The following SGMS1 variants were observed in gnomAD, a reference collection of about 807,000 sequenced individuals.
SGMS1 encodes the protein phosphatidylcholine:ceramide cholinephosphotransferase 1.
Under a neutral mutation model 46.2 loss-of-function variants are expected in SGMS1, and 13 were observed. The observed-to-expected ratio is 0.28, with a 90% CI of 0.18 to 0.45. SGMS1 has a LOEUF of 0.45. Among genes scored for constraint, SGMS1 ranks in the 20% least tolerant of loss-of-function variants. The probability of loss-of-function intolerance (pLI) is 1.00; values close to 1 mark genes in which losing one functional copy is unlikely to be tolerated. For missense variants in SGMS1, 324 were observed against 519.9 expected (o/e 0.62, Z 3.66); for synonymous variants, 203 against 187.8 (o/e 1.08, Z -0.66).
At chr10:50,556,517 G>A (rs887931562) in intron 2 of SGMS1, among the ~76,000 whole-genome samples, 1 of 152,190 alleles carries the variant, frequency 6.6e-6, no homozygotes, top group Admixed American at 6.5e-5. Context: ...GCGGAAACAG[G>A]TGTACCACAG....
chr10:50,426,210 T>A (rs1849324328), intron 6 of SGMS1, among the ~76,000 whole-genome samples: 1 of 152,214 alleles, frequency 6.6e-6, no homozygotes, highest in African/African-American at 2.4e-5. Flanking sequence ...TTTCTTTACA[T>A]TTTTCTGTGT....
intron 2 of SGMS1, among the ~76,000 whole-genome samples, chr10:50,530,820 G>T (rs1837947009): frequency 1.3e-5 from 2 of 152,118 alleles, no homozygotes; most frequent in African/African-American, 4.8e-5. Flanking sequence ...TGCAAATGCA[G>T]TGTGGTTTCT....
chr10:50,360,990 A>C (rs544019214), intron 6 of SGMS1, among the ~76,000 whole-genome samples: 2 of 152,296 alleles, frequency 1.3e-5, no homozygotes, highest in South Asian at 4.1e-4. Context: ...CCATATTCTA[A>C]AGCATACCCA....
intron 1 of SGMS1, among the ~76,000 whole-genome samples, chr10:50,612,474 G>A (rs1008201054): frequency 2.5e-4 from 38 of 152,276 alleles, no homozygotes; most frequent in Non-Finnish European, 4.3e-4. Flanking sequence ...AGCAGCTGGC[G>A]AAAAGGAGGA....
At chr10:50,445,528 G>A (rs1421364338) in intron 5 of SGMS1, among the ~76,000 whole-genome samples, 4 of 151,972 alleles carry the variant, frequency 2.6e-5, no homozygotes, top group African/African-American at 9.7e-5. Flanking sequence ...AATTTCTTAC[G>A]CCTGTCTTTA....
intron 2 of SGMS1, among the ~76,000 whole-genome samples, chr10:50,569,806 T>G (rs1163833868): frequency 6.6e-6 from 1 of 152,204 alleles, no homozygotes; most frequent in East Asian, 1.9e-4. Context: ...GCCACTCCTA[T>G]GCAAGCTGGA....
At chr10:50,564,757 T>A (rs956579890) in intron 2 of SGMS1, among the ~76,000 whole-genome samples, 4 of 151,868 alleles carry the variant, frequency 2.6e-5, no homozygotes, top group African/African-American at 9.7e-5. Context: ...TCAGATTATT[T>A]TTTTTATTTT....
rs772006093 is a variant in SGMS1, at chr10:50,526,175, C to A, written c.-588-6254G>T. Among the ~76,000 whole-genome samples, 86 of 152,134 alleles carry A rather than the reference C, an allele frequency of 5.7e-4. 2 individuals are homozygous for A. Among genetic ancestry groups the A allele is most frequent in the Non-Finnish European group, 2.1e-4 (14 of 68,028 alleles). ...AAAGAGGTTTAACTGACTCACAGTT[C>A]CACAAGCTTAACAGGAAGCATGACT... On this transcript the variant is annotated intron_variant, in intron 2 of 10. Transcript: ENST00000361781.
chr10:50,378,698 T>A (rs1848556199), intron 6 of SGMS1, among the ~76,000 whole-genome samples: 1 of 152,222 alleles, frequency 6.6e-6, no homozygotes, highest in South Asian at 2.1e-4. Context: ...AAATATTTGC[T>A]GAATGAATAA....
intron 3 of SGMS1, among the ~76,000 whole-genome samples, chr10:50,477,984 C>G (rs945225051): frequency 6.6e-6 from 1 of 152,160 alleles, no homozygotes; most frequent in Non-Finnish European, 1.5e-5. Flanking sequence ...TCATGCAAAT[C>G]AGACAGAGTG....
intron 5 of SGMS1, among the ~76,000 whole-genome samples, chr10:50,439,183 G>A (rs1053716407): frequency 3.3e-5 from 5 of 151,962 alleles, no homozygotes; most frequent in African/African-American, 9.7e-5. Flanking sequence ...TTCTAATATG[G>A]GCGCCTTAAA....
intron 3 of SGMS1, among the ~76,000 whole-genome samples, chr10:50,492,840 C>G (rs187589698): frequency 8.3e-4 from 127 of 152,278 alleles, no homozygotes; most frequent in Non-Finnish European, 1.5e-3. Flanking sequence ...CCCCAGCAGC[C>G]AAGGCAATCC....
chr10:50,478,644 T>G (rs1018406771), intron 3 of SGMS1, among the ~76,000 whole-genome samples: 1 of 152,194 alleles, frequency 6.6e-6, no homozygotes, highest in Non-Finnish European at 1.5e-5. Context: ...ATAAGTAACC[T>G]GATGCATAAA....
At chr10:50,360,523 C>T (rs766277519) in intron 6 of SGMS1, among the ~76,000 whole-genome samples, 5 of 152,204 alleles carry the variant, frequency 3.3e-5, no homozygotes, top group African/African-American at 9.6e-5. Flanking sequence ...ACCAAAAACT[C>T]GGGAGATGAT....
intron 1 of SGMS1, among the ~76,000 whole-genome samples, chr10:50,619,949 C>T (rs952379044): frequency 6.6e-6 from 1 of 152,168 alleles, no homozygotes; most frequent in African/African-American, 2.4e-5. Context: ...TTTCTCTTCG[C>T]TGTCTGTGTG....
chr10:50,434,059 C>T (rs1241003360), intron 5 of SGMS1, among the ~76,000 whole-genome samples: 1 of 152,218 alleles, frequency 6.6e-6, no homozygotes, highest in East Asian at 1.9e-4. Flanking sequence ...CTATGGACAC[C>T]TAATGCTTAA....
intron 6 of SGMS1, among the ~76,000 whole-genome samples, chr10:50,388,991 T>G (rs569127692): frequency 1.1e-4 from 17 of 152,322 alleles, no homozygotes; most frequent in African/African-American, 3.8e-4. Flanking sequence ...TGAGTAAATT[T>G]TTAGCTCCTT....
chr10:50,403,409 T>C (rs1848968449), intron 6 of SGMS1, among the ~76,000 whole-genome samples: 1 of 152,198 alleles, frequency 6.6e-6, no homozygotes, highest in African/African-American at 2.4e-5. Flanking sequence ...TTCTAGACTC[T>C]AGGGGTACAT....
chr10:50,362,451 A>T (rs1054812571), intron 6 of SGMS1, among the ~76,000 whole-genome samples: 2 of 152,240 alleles, frequency 1.3e-5, no homozygotes, highest in African/African-American at 4.8e-5. Context: ...AACTGGATCC[A>T]TGAAACTGAC....
Sources: allele counts gnomAD v4.1 joint callset (sites outside exome capture counted in the v4.1 genomes callset), GRCh38; gene constraint gnomAD v4.1.1; transcripts MANE v1.5; gene names NCBI Gene and HGNC (gene_info 2026-07-23, HGNC 2026-07-21).